The following SIPA1L3 variants were observed in gnomAD, a reference collection of about 807,000 sequenced individuals.
SIPA1L3 encodes signal induced proliferation associated 1 like 3.
SIPA1L3 carries 59 observed loss-of-function variants against 150.1 expected under a neutral mutation model. The ratio of observed to expected loss-of-function variants is 0.39; its 90% CI spans 0.32 to 0.49. SIPA1L3 has a LOEUF of 0.49. Among genes scored for constraint, SIPA1L3 ranks in the 20% least tolerant of loss-of-function variants. The pLI, the probability that SIPA1L3 is intolerant of heterozygous loss-of-function variation, is 0.86. For missense variants in SIPA1L3, 2,211 were observed against 2,489.5 expected, an observed-to-expected ratio of 0.89 and a Z score of 2.38; for synonymous variants, 1,070 against 1,077.6, an observed-to-expected ratio of 0.99 and a Z score of 0.14.
chr19:38,151,559 G>C (rs916064983), intron 12 of SIPA1L3, among the ~76,000 whole-genome samples: 1 of 152,144 alleles, frequency 6.6e-6, no homozygotes, highest in African/African-American at 2.4e-5. Context: ...TCACAGGCCT[G>C]TCTCTGAACC....
chr19:38,040,977 A>T (rs1242935343), intron 2 of SIPA1L3, among the ~76,000 whole-genome samples: 1 of 151,820 alleles, frequency 6.6e-6, no homozygotes, highest in Non-Finnish European at 1.5e-5. Flanking sequence ...GTTAGCCAGG[A>T]TGGTCTCGAT....
In SIPA1L3 at chr19:38,082,113, ACGCGGGGGAGCCGCGGGGGG is replaced by A. The variant is rs1970001052; in HGVS notation, c.550_569del (p.Ala184ProfsTer228). 6.2e-7 allele frequency: 1 copy of A among 1,607,878 alleles called. No homozygotes were observed. The highest frequency in any genetic ancestry group is 8.5e-7 in the Non-Finnish European group (1 of 1,179,144). On this transcript the variant is annotated frameshift_variant, in exon 3 of 22. Coordinates refer to ENST00000222345, the MANE Select transcript of SIPA1L3 (RefSeq NM_015073.3). LOFTEE classifies it high-confidence loss of function. Reference sequence around the variant, plus strand: ...ACCCTCAGCGAGTGTGACGCGGAGGACGCGGGGGAGCCGCGGGGGGCCCGGCACACGGGGGCGCTGCCCCT... The same window carrying A: ...ACCCTCAGCGAGTGTGACGCGGAGGACCCGGCACACGGGGGCGCTGCCCCT...
rs1194005697 is a variant in SIPA1L3, at chr19:38,198,482, C to A, written c.4934C>A (p.Ala1645Asp). ...DPGLMPLPDT[A>D]AGLEWSSLVN... ...GGGCTGATGCCCCTGCCTGACACAG[C>A]TGCTGGCCTCGAGTGGTCCAGCCTG... Residue 1645 changes from alanine to aspartate, a missense_variant, in exon 19 of 22, where the codon GCT becomes GAT. By Grantham distance (126) the Ala-to-Asp change is moderately radical. Around this residue, in one of 5 missense-constraint regions of SIPA1L3, gnomAD observed 806 missense variants for 870.1 expected, o/e 0.93. Transcript: ENST00000222345. The A allele has an allele frequency of 6.2e-7, 1 of 1,604,338 alleles. No homozygotes were observed. Among genetic ancestry groups the A allele is most frequent in the Non-Finnish European group, 8.5e-7 (1 of 1,176,202 alleles).
At position 38,181,420 on chromosome 19, in the gene SIPA1L3, C is replaced by T. The variant is rs1392614236; in HGVS notation, c.4209-1099C>T. On this transcript the variant is annotated intron_variant, in intron 15 of 21. Coordinates refer to ENST00000222345, the MANE Select transcript of SIPA1L3 (RefSeq NM_015073.3). ...GCTGAGGTGGGAGGATCGCCTGAGC[C>T]CAGGAGTTCGAGGCCAGCCTGGGCA... is the stretch of plus-strand genomic sequence containing the variant. Among the ~76,000 whole-genome samples, 8 of 152,116 alleles carry T rather than the reference C, an allele frequency of 5.3e-5. No homozygotes were observed. The East Asian group carries it at 1.5e-3, about 29-fold the overall frequency.
At chr19:38,110,081 G>A in intron 7 of SIPA1L3, 146 bp from the exon 8 acceptor site, 1 of 757,644 alleles carries the variant, frequency 1.3e-6, no homozygotes, top group Non-Finnish European at 2.2e-6. Context: ...AGGAAGGTTT[G>A]TCACCTGACT....
chr19:38,103,000 G>A (rs898435778), intron 6 of SIPA1L3, among the ~76,000 whole-genome samples: 3 of 152,038 alleles, frequency 2.0e-5, no homozygotes, highest in Non-Finnish European at 4.4e-5. Flanking sequence ...GGTGGTTCAC[G>A]CCTATAATCC....
intron 6 of SIPA1L3, among the ~76,000 whole-genome samples, chr19:38,106,108 A>ATTT (rs56305500): frequency 4.5e-4 from 60 of 134,066 alleles, no homozygotes; most frequent in African/African-American, 1.7e-3. Context: ...AATGTATTTA[A>ATTT]TTTTTTTTTT....
At chr19:38,024,424 G>A (rs1475842674) in intron 1 of SIPA1L3, among the ~76,000 whole-genome samples, 2 of 152,058 alleles carry the variant, frequency 1.3e-5, no homozygotes, top group Non-Finnish European at 2.9e-5. Flanking sequence ...TGAGATGAGG[G>A]TGTGGGGCCT....
At chr19:38,174,268 A>G (rs1193385500) in intron 15 of SIPA1L3, among the ~76,000 whole-genome samples, 2 of 152,148 alleles carry the variant, frequency 1.3e-5, no homozygotes, top group Admixed American at 1.3e-4. Context: ...CACAGGGGCA[A>G]TGTGGCTGCT....
chr19:38,142,517 G>C lies in SIPA1L3; in HGVS notation c.3396-56G>C. On this transcript the variant is annotated intron_variant, in intron 11 of 21. Transcript: ENST00000222345. ...TCTGTCTGTCCGTCCATCCTCCCAG[G>C]GCAGGGGTACCCTCCTACTCACCCT... The C allele has an allele frequency of 7.1e-6, 11 of 1,539,758 alleles. No homozygotes were observed. The South Asian group carries it at 1.2e-4, about 17-fold the overall frequency.
intron 3 of SIPA1L3, among the ~76,000 whole-genome samples, chr19:38,088,092 A>G (rs886414938): frequency 3.3e-5 from 5 of 152,246 alleles, no homozygotes; most frequent in Admixed American, 2.0e-4. Context: ...AGGGGCCCCT[A>G]TCGTGGTCCC....
At chr19:38,140,921 A>G (rs1971560925) in intron 10 of SIPA1L3, among the ~76,000 whole-genome samples, 1 of 151,860 alleles carries the variant, frequency 6.6e-6, no homozygotes, top group East Asian at 1.9e-4. Context: ...AGCCGGGCGT[A>G]GTGGCGCTTG....
chr19:38,170,331 C>T (rs1419421917), intron 15 of SIPA1L3, among the ~76,000 whole-genome samples: 2 of 152,204 alleles, frequency 1.3e-5, no homozygotes, highest in Non-Finnish European at 2.9e-5. Flanking sequence ...GACCTTGGTT[C>T]AAGTGGCCAC....
intron 2 of SIPA1L3, among the ~76,000 whole-genome samples, chr19:38,070,589 T>C (rs1038021259): frequency 6.6e-6 from 1 of 152,210 alleles, no homozygotes; most frequent in African/African-American, 2.4e-5. Context: ...GAATGAGTTA[T>C]ACATGACTGG....
chr19:38,011,068 A>G (rs1243863185), intron 1 of SIPA1L3, among the ~76,000 whole-genome samples: 2 of 152,228 alleles, frequency 1.3e-5, no homozygotes, highest in Non-Finnish European at 1.5e-5. Context: ...ACATTTATTT[A>G]GCAGATACTT....
chr19:38,204,333 G>A, intron 21 of SIPA1L3, 125 bp downstream of exon 21: 1 of 692,330 alleles, frequency 1.4e-6, no homozygotes, highest in Non-Finnish European at 2.5e-6. Flanking sequence ...CTGTGTTTGA[G>A]TGTAGTCATG....
chr19:37,939,953 A>G (rs1219127221), intron 1 of SIPA1L3, among the ~76,000 whole-genome samples: 2 of 152,156 alleles, frequency 1.3e-5, no homozygotes, highest in Non-Finnish European at 2.9e-5. Flanking sequence ...GATTAATTAC[A>G]CAGATATTTA....
Position 38,119,584 on chromosome 19 carries a change from C to A in SIPA1L3, c.2570C>A (p.Thr857Lys). 1 of 1,614,234 alleles carries A rather than the reference C, an allele frequency of 6.2e-7. No individual in the cohort carries two copies. Among genetic ancestry groups the A allele is most frequent in the East Asian group, 2.2e-5 (1 of 44,890 alleles). The stretch of plus-strand genomic sequence containing the variant: ...CTGACCTCCAAGAAGAAGGAAAAGA[C>A]AAAAGCACGGGCTGGCGCTGAGCAG... ...ISLTSKKKEK[T>K]KARAGAEQHS... Residue 857 changes from threonine (T) to lysine (K), a missense_variant, in exon 9 of 22, where the codon ACA becomes AAA. By Grantham distance (78) the Thr-to-Lys change is moderately conservative. Around this residue, in one of 5 missense-constraint regions of SIPA1L3, gnomAD observed 625 missense variants for 804.2 expected, o/e 0.78. Coordinates refer to ENST00000222345, the MANE Select transcript of SIPA1L3 (RefSeq NM_015073.3).
intron 15 of SIPA1L3, among the ~76,000 whole-genome samples, chr19:38,175,226 G>A (rs1036716509): frequency 2.0e-5 from 3 of 151,958 alleles, no homozygotes; most frequent in African/African-American, 7.3e-5. Context: ...CTTAGAACAA[G>A]GCCAGGCAGC....
Sources: allele counts gnomAD v4.1 joint callset (sites outside exome capture counted in the v4.1 genomes callset), GRCh38; gene constraint gnomAD v4.1.1; regional missense constraint gnomAD v4.1.1; transcripts MANE v1.5; gene names NCBI Gene and HGNC (gene_info 2026-07-23, HGNC 2026-07-21).